STAG1: variants seen among roughly 807,000 people sequenced by gnomAD.
STAG1 encodes the protein cohesin subunit SA-1.
In STAG1, 26 loss-of-function variants were observed where a neutral mutation model predicts 170.9. The ratio of observed to expected loss-of-function variants is 0.15; its 90% CI spans 0.11 to 0.21. STAG1 has a LOEUF of 0.21. Ranked by LOEUF, STAG1 falls within the 10% of genes least tolerant of loss-of-function variation. STAG1 has a pLI of 1.00. For missense variants in STAG1, 964 were observed against 1,509.5 expected (o/e 0.64, Z 5.99); for synonymous variants, 514 against 497.7 (o/e 1.03, Z -0.44).
At chr3:136,678,061 T>C (rs1942195433) in intron 1 of STAG1, among the ~76,000 whole-genome samples, 1 of 150,168 alleles carries the variant, frequency 6.7e-6, no homozygotes, top group Non-Finnish European at 1.5e-5. Flanking sequence ...ACATTCTTAG[T>C]GAAGGGCATA....
chr3:136,373,442 C>G (rs546084140), intron 23 of STAG1, among the ~76,000 whole-genome samples: 95 of 152,000 alleles, frequency 6.3e-4, no homozygotes, highest in African/African-American at 1.4e-3. Context: ...TGTGATGTTA[C>G]GGTGTCAATT....
rs551038954 is a variant in STAG1 at position 136,521,121 on chromosome 3, T to A, written c.676+92A>T. On this transcript the variant is annotated intron_variant, in intron 7 of 33. Coordinates refer to ENST00000383202, the MANE Select transcript of STAG1 (RefSeq NM_005862.3). ...AAATGACTGTTTTATTCTAATTAAA[T>A]TTTTAATTAAATCTTCTCATTAAGT... 10 of 1,070,166 alleles carry A rather than the reference T, an allele frequency of 9.3e-6. No individual in the cohort carries two copies. The South Asian group carries it at 1.2e-4, about 12-fold the overall frequency. 66.3% of individuals were successfully genotyped at this position (1,070,166 alleles called of 1,614,324 possible). A position where few individuals can be genotyped will look rare whatever the true frequency, so the allele number is the denominator to read the frequency against.
intron 9 of STAG1, among the ~76,000 whole-genome samples, chr3:136,497,317 T>C (rs971047514): frequency 6.6e-6 from 1 of 152,138 alleles, no homozygotes. Flanking sequence ...CTCTTGAACA[T>C]AGATGCAGAA....
intron 6 of STAG1, 72 bp downstream of exon 6, chr3:136,542,047 C>T (rs987335842): frequency 3.5e-5 from 40 of 1,146,290 alleles, no homozygotes; most frequent in Non-Finnish European, 4.5e-5. Flanking sequence ...CAAAACAAAA[C>T]CTGAGATAAT....
intron 5 of STAG1, among the ~76,000 whole-genome samples, chr3:136,549,842 T>A (rs1936311877): frequency 6.6e-6 from 1 of 152,198 alleles, no homozygotes; most frequent in African/African-American, 2.4e-5. Flanking sequence ...TCTATTTTCC[T>A]CTATTCCTAG....
At chr3:136,457,217 C>T (rs1460523603) in intron 13 of STAG1, among the ~76,000 whole-genome samples, 107 of 152,080 alleles carry the variant, frequency 7.0e-4, no homozygotes, top group Non-Finnish European at 3.4e-4. Flanking sequence ...GGCATAAAAC[C>T]CCTCGTAGCT....
intron 6 of STAG1, among the ~76,000 whole-genome samples, chr3:136,526,338 AC>A (rs1208797514): frequency 6.6e-6 from 1 of 151,998 alleles, no homozygotes; most frequent in Admixed American, 6.5e-5. Context: ...TGATCCCTTT[AC>A]CATTATGTTA....
At position 136,706,071 on chromosome 3, in the gene STAG1, G is replaced by C. The variant is rs143102866; in HGVS notation, c.-84+46124C>G. On this transcript the variant is annotated intron_variant, in intron 1 of 33. Transcript: ENST00000383202. ...GAAGACAGAGTGAGACCCTGTCTCA[G>C]AAATAAACAAACAAACAAAAAACTC... Among the ~76,000 whole-genome samples, 160 of 152,154 alleles carry C rather than the reference G, an allele frequency of 1.1e-3. 1 individual carries two copies. In the East Asian group the frequency reaches 0.022, roughly 21 times the overall value.
intron 12 of STAG1, among the ~76,000 whole-genome samples, chr3:136,471,391 A>T (rs569845576): frequency 3.9e-5 from 6 of 152,228 alleles, no homozygotes; most frequent in Non-Finnish European, 7.3e-5. Flanking sequence ...TTTAAAATTC[A>T]TATCAAACAA....
chr3:136,396,209 GTTTTTTTTTTTT>G (rs1157402968), intron 22 of STAG1, among the ~76,000 whole-genome samples: 1 of 87,952 alleles, frequency 1.1e-5, no homozygotes, highest in Non-Finnish European at 2.1e-5. Flanking sequence ...GTGTAACACA[GTTTTTTTTTTTT>G]TTTTTTTTTT....
At chr3:136,369,308 C>G (rs1333344397) in intron 23 of STAG1, 26 bp from the exon 24 acceptor site, 2 of 1,538,626 alleles carry the variant, frequency 1.3e-6, no homozygotes, top group South Asian at 2.5e-5. Context: ...AATTTATCAG[C>G]AAAATATTAC....
rs1038631720 is a variant in STAG1, at chr3:136,575,365, G to C, written c.298-6504C>G. Among the ~76,000 whole-genome samples the C allele has an allele frequency of 3.9e-5, 6 of 152,244 alleles. 1 individual carries two copies. The highest frequency in any genetic ancestry group is 8.8e-5 in the Non-Finnish European group (6 of 68,004). On this transcript the variant is annotated intron_variant, in intron 4 of 33. Coordinates refer to ENST00000383202, the MANE Select transcript of STAG1 (RefSeq NM_005862.3). ...TCAGCCTCTCAAGTAGCTGGGAACAGAGGCATATGCCACTGTGCCTGGTTA... is the reference window on the plus strand; with the variant it reads ...TCAGCCTCTCAAGTAGCTGGGAACACAGGCATATGCCACTGTGCCTGGTTA...
intron 1 of STAG1, among the ~76,000 whole-genome samples, chr3:136,732,237 T>TAAAAAAAAAA (rs71134406): frequency 1.2e-5 from 1 of 85,756 alleles, no homozygotes; most frequent in Non-Finnish European, 2.4e-5. Context: ...TATCCACAAC[T>TAAAAAAAAAA]AAAAAAAAAA....
intron 1 of STAG1, among the ~76,000 whole-genome samples, chr3:136,631,455 A>C (rs1576690187): frequency 6.6e-6 from 1 of 152,194 alleles, no homozygotes; most frequent in East Asian, 1.9e-4. Context: ...GCAGTGAAAC[A>C]TGTGTGATGG....
chr3:136,642,346 A>C (rs969853204), intron 1 of STAG1, among the ~76,000 whole-genome samples: 1 of 131,410 alleles, frequency 7.6e-6, no homozygotes, highest in Non-Finnish European at 1.5e-5. Flanking sequence ...ATCTTAGCTC[A>C]CTGCAACCTC....
chr3:136,350,893 A>C (rs999503981), intron 28 of STAG1, among the ~76,000 whole-genome samples: 8 of 152,314 alleles, frequency 5.3e-5, no homozygotes, highest in Non-Finnish European at 2.9e-5. Flanking sequence ...ATGACAGCGC[A>C]AAACAGCCGG....
intron 16 of STAG1, chr3:136,430,022 T>C (rs896695519): frequency 2.6e-5 from 4 of 152,248 alleles, no homozygotes; most frequent in Non-Finnish European, 4.4e-5. Context: ...TGGTAGGCTA[T>C]AGTAGTTAAG....
chr3:136,734,693 T>G (rs1483135786), intron 1 of STAG1, among the ~76,000 whole-genome samples: 2 of 152,186 alleles, frequency 1.3e-5, no homozygotes, highest in Non-Finnish European at 2.9e-5. Context: ...TGGTTTGTTT[T>G]GTTGCTTTAG....
At chr3:136,419,623 GT>G (rs11320131) in intron 20 of STAG1, among the ~76,000 whole-genome samples, 71,127 of 136,402 alleles carry the variant, frequency 0.52, 20,738 homozygotes, top group East Asian at 0.77. Flanking sequence ...TTTTGTGTGT[GT>G]TTTTTTTTTT....
Sources: allele counts gnomAD v4.1 joint callset (sites outside exome capture counted in the v4.1 genomes callset), GRCh38; gene constraint gnomAD v4.1.1; transcripts MANE v1.5; gene names NCBI Gene and HGNC (gene_info 2026-07-23, HGNC 2026-07-21).